The following UTS2R variants were observed in gnomAD, a reference collection of about 807,000 sequenced individuals.
The protein encoded by UTS2R is urotensin 2 receptor, also known as urotensin-2 receptor.
For synonymous variants in UTS2R, 335 were observed against 280.9 expected (o/e 1.19, Z -1.93); for missense variants, 653 against 562.2 (o/e 1.16, Z -1.63).
chr17:82,375,989 G>T lies in UTS2R; in HGVS notation c.*495G>T, dbSNP rs927666398. 1.3e-5 allele frequency among the ~76,000 whole-genome samples: 2 copies of T among 152,222 alleles called. No individual in the cohort carries two copies. Among genetic ancestry groups the T allele is most frequent in the African/African-American group, 4.8e-5 (2 of 41,460 alleles). ...CCCAGGACGACAACGGCAGCTCAAG[G>T]GGGAGCCTGTGGGTCTGGCTGGGGT... On this transcript the variant is annotated 3_prime_UTR_variant, in exon 3 of 3. Transcript: ENST00000313135.
chr17:82,374,596 T>A lies in UTS2R; in HGVS notation c.272T>A (p.Val91Asp). The A allele has an allele frequency of 6.2e-7, 1 of 1,608,112 alleles. No homozygotes were observed. The highest frequency in any genetic ancestry group is 8.5e-7 in the Non-Finnish European group (1 of 1,177,666). The change falls in exon 3 of 3, where the codon GTC becomes GAC. Residue 91 changes from valine to aspartate, a missense_variant. Val to Asp is a radical substitution (Grantham distance 152, BLOSUM62 -3). Transcript: ENST00000313135. ...RAVASMYVYV[V>D]NLALADLLYL... ...GTGGCCTCCATGTACGTCTACGTGG[T>A]CAACCTGGCGCTGGCCGACCTGCTG...
At chr17:82,372,997 T>C (rs2052461179) in intron 2 of UTS2R, among the ~76,000 whole-genome samples, 1 of 152,238 alleles carries the variant, frequency 6.6e-6, no homozygotes, top group Non-Finnish European at 1.5e-5. Flanking sequence ...CCTGTGGCCC[T>C]GACTGGCATT....
In UTS2R at chr17:82,374,909, C is replaced by A; in HGVS notation, c.585C>A (p.Pro195=). ...MLAMRLVRRG[P]KSLCLPAWGP... ...CCATGCGGCTGGTGCGCCGGGGTCC[C>A]AAGAGCCTGTGCCTGCCCGCCTGGG... is the stretch of plus-strand genomic sequence containing the variant. The change falls in exon 3 of 3, where the codon CCC becomes CCA. Residue 195 remains proline (P), a synonymous_variant. Coordinates refer to ENST00000313135, the MANE Select transcript of UTS2R (RefSeq NM_018949.3). The A allele has an allele frequency of 1.7e-6, 2 of 1,188,346 alleles. No individual in the cohort carries two copies. Among genetic ancestry groups the A allele is most frequent in the Non-Finnish European group, 2.4e-6 (2 of 827,160 alleles). 73.6% of individuals were successfully genotyped at this position (1,188,346 alleles called of 1,614,324 possible). A position where few individuals can be genotyped will look rare whatever the true frequency, so the allele number is the denominator to read the frequency against.
At position 82,375,506 on chromosome 17, in the gene UTS2R, G is replaced by A. The variant is rs1490279907; in HGVS notation, c.*12G>A. 6 of 1,165,472 alleles carry A rather than the reference G, an allele frequency of 5.1e-6. No individual in the cohort carries two copies. Among genetic ancestry groups the A allele is most frequent in the Non-Finnish European group, 6.9e-6 (6 of 864,446 alleles). The allele number at this position is 1,165,472 out of a possible 1,614,324, so 72.2% of individuals were successfully genotyped here. On this transcript the variant is annotated 3_prime_UTR_variant, in exon 3 of 3. Transcript: ENST00000313135. Reference sequence around the variant, plus strand: ...GGGCCCCGGCGTGAGCACGCGGAGGGGCGGCTGGAGTCCAGGCGGGGACGC... The same window carrying A: ...GGGCCCCGGCGTGAGCACGCGGAGGAGCGGCTGGAGTCCAGGCGGGGACGC...
chr17:82,375,005 CG>C lies in UTS2R; in HGVS notation c.684del (p.Leu229CysfsTer71). The C allele has an allele frequency of 7.6e-7, 1 of 1,318,638 alleles. No individual in the cohort carries two copies. Among genetic ancestry groups the C allele is most frequent in the South Asian group, 1.3e-5 (1 of 78,466 alleles). The allele number at this position is 1,318,638 out of a possible 1,614,324, so 81.7% of individuals were successfully genotyped here. On this transcript the variant is annotated frameshift_variant, in exon 3 of 3. Coordinates refer to ENST00000313135, the MANE Select transcript of UTS2R (RefSeq NM_018949.3). LOFTEE classifies it low-confidence loss of function (END_TRUNC). ...GCATCGCGGGGCCCGGGCTGCTCAT[CG>C]GGCTGCTCTACGCGCGCCTGGCCCG... ...TSIAGPGLLI[G>X]LLYARLARAY...
At chr17:82,373,105 A>G (rs143460822) in intron 2 of UTS2R, among the ~76,000 whole-genome samples, 374 of 150,680 alleles carry the variant, frequency 2.5e-3, no homozygotes, top group Middle Eastern at 0.014. Context: ...TTTCCTTACT[A>G]ATTTGCAGTT....
chr17:82,372,215 C>T (rs1359728911), intron 1 of UTS2R, among the ~76,000 whole-genome samples, 168 bp downstream of exon 1: 1 of 152,078 alleles, frequency 6.6e-6, no homozygotes, highest in Non-Finnish European at 1.5e-5. Context: ...TCGGCCCCTC[C>T]CCTTCCCCCC....
chr17:82,375,494 A>G lies in UTS2R; in HGVS notation c.1170A>G (p.Ter390TrpextTer140). Residue 390 changes from the stop codon to tryptophan (W), a stop_lost, in exon 3 of 3, where the codon TGA becomes TGG. Transcript: ENST00000313135. ...CCGAGGGTCCCAGGGCCCCGGCGTG[A>G]GCACGCGGAGGGGCGGCTGGAGTCC... ...PAPEGPRAPA[*>W] 7.8e-7 allele frequency: 1 copy of G among 1,289,158 alleles called. No individual in the cohort carries two copies. Among genetic ancestry groups the G allele is most frequent in the Non-Finnish European group, 1.0e-6 (1 of 967,320 alleles). 79.9% of individuals were successfully genotyped at this position (1,289,158 alleles called of 1,614,324 possible). A position where few individuals can be genotyped will look rare whatever the true frequency, so the allele number is the denominator to read the frequency against.
In UTS2R at chr17:82,374,311, G is replaced by A. The variant is rs201636432; in HGVS notation, c.-14G>A. 92 of 1,542,034 alleles carry A rather than the reference G, an allele frequency of 6.0e-5. No homozygotes were observed. The highest frequency in any genetic ancestry group is 1.6e-5 in the Non-Finnish European group (19 of 1,151,546). On this transcript the variant is annotated 5_prime_UTR_variant, in exon 3 of 3. It adds an upstream start codon to the 5' untranslated region. Transcript: ENST00000313135. ...GTGTCCACCCAGCCCTGAGCCCGTC[G>A]TGAGGGGTCAGAGATGGCGCTGACC...
intron 2 of UTS2R, 107 bp from the exon 3 acceptor site, chr17:82,374,136 G>A (rs1009778300): frequency 1.7e-6 from 1 of 582,298 alleles, no homozygotes; most frequent in Non-Finnish European, 3.0e-6. Flanking sequence ...AGAGAGTCCC[G>A]AGAGTTGGAG....
At chr17:82,372,297 A>G (rs1347221386) in intron 1 of UTS2R, among the ~76,000 whole-genome samples, 4 of 152,020 alleles carry the variant, frequency 2.6e-5, no homozygotes, top group Non-Finnish European at 4.4e-5. Context: ...CTCGCGCACA[A>G]CTGGGGAGCC....
chr17:82,373,843 T>C (rs2052466164), intron 2 of UTS2R, among the ~76,000 whole-genome samples: 2 of 152,202 alleles, frequency 1.3e-5, no homozygotes. Flanking sequence ...GAGAAAGGAC[T>C]CAGGAGTAAG....
At position 82,374,892 on chromosome 17, in the gene UTS2R, C is replaced by A; in HGVS notation, c.568C>A (p.Leu190Met). Residue 190 changes from leucine to methionine, a missense_variant, in exon 3 of 3, where the codon CTG becomes ATG. Transcript: ENST00000313135. ...LTLPVMLAMR[L>M]VRRGPKSLCL... ...GCTGCCCGTGATGCTGGCCATGCGG[C>A]TGGTGCGCCGGGGTCCCAAGAGCCT... The A allele has an allele frequency of 1.6e-6, 2 of 1,250,360 alleles. No individual in the cohort carries two copies. The highest frequency in any genetic ancestry group is 2.3e-6 in the Non-Finnish European group (2 of 884,310). 77.5% of individuals were successfully genotyped at this position (1,250,360 alleles called of 1,614,324 possible). A position where few individuals can be genotyped will look rare whatever the true frequency, so the allele number is the denominator to read the frequency against.
rs931849108 is a variant in UTS2R at position 82,374,228 on chromosome 17, C to T, written c.-82-15C>T. The stretch of plus-strand genomic sequence containing the variant: ...GGAGCGGAAGGTGTTGCCTGATTTG[C>T]TTCTTTCCCCACAGGCTGAGCTGGT... On this transcript the variant is annotated splice_polypyrimidine_tract_variant and intron_variant, in intron 2 of 2. Coordinates refer to ENST00000313135, the MANE Select transcript of UTS2R (RefSeq NM_018949.3). The T allele has an allele frequency of 9.9e-7, 1 of 1,008,266 alleles. No homozygotes were observed. The highest frequency in any genetic ancestry group is 1.4e-6 in the Non-Finnish European group (1 of 708,578). The allele number at this position is 1,008,266 out of a possible 1,614,324, so 62.5% of individuals were successfully genotyped here.
rs2052454173 is a variant in UTS2R at position 82,371,909 on chromosome 17, C to G, written c.-407C>G. The stretch of plus-strand genomic sequence containing the variant: ...CACCGCGGAGCCCCTCGCGCCCCCT[C>G]TGCGCTGGGACAGGGGAGCGCGCCT... On this transcript the variant is annotated 5_prime_UTR_variant, in exon 1 of 3. Transcript: ENST00000313135. The surrounding 1 kb of genome is among the most constrained non-coding windows in gnomAD (Gnocchi z 6.3). 6.6e-6 allele frequency among the ~76,000 whole-genome samples: 1 copy of G among 152,064 alleles called. No homozygotes were observed. The highest frequency in any genetic ancestry group is 1.9e-4 in the East Asian group (1 of 5,158).
At position 82,375,406 on chromosome 17, in the gene UTS2R, C is replaced by T. The variant is rs779937181; in HGVS notation, c.1082C>T (p.Ser361Phe). The change falls in exon 3 of 3, where the codon TCC becomes TTC. Residue 361 changes from serine (S) to phenylalanine (F), a missense_variant. Physicochemically the swap from Ser to Phe is radical, Grantham distance 155. Transcript: ENST00000313135. Reference protein sequence around the residue: ...FQRCSGRSLSSCSPQPTDSLV... With the variant: ...FQRCSGRSLSFCSPQPTDSLV... ...CGCTGTTCGGGCCGCTCCCTGTCTT[C>T]CTGCAGCCCACAGCCCACTGACAGC... 5.4e-5 allele frequency: 85 copies of T among 1,577,422 alleles called. No individual in the cohort carries two copies. The highest frequency in any genetic ancestry group is 6.7e-5 in the Non-Finnish European group (79 of 1,170,414).
rs528044096 is a variant in UTS2R at position 82,373,198 on chromosome 17, C to T, written c.-83+415C>T. Among the ~76,000 whole-genome samples, 3 of 152,062 alleles carry T rather than the reference C, an allele frequency of 2.0e-5. No homozygotes were observed. In the Middle Eastern group the frequency reaches 0.01, roughly 517 times the overall value. On this transcript the variant is annotated intron_variant, in intron 2 of 2. Coordinates refer to ENST00000313135, the MANE Select transcript of UTS2R (RefSeq NM_018949.3). ...TGAGACAAAGTCTCACTTTGTTGCC[C>T]AGGCTGGAGTGCGGTGGCACAATCT...
At position 82,376,656 on chromosome 17, in the gene UTS2R, G is replaced by C. The variant is rs924833535; in HGVS notation, c.*1162G>C. Reference sequence around the variant, plus strand: ...AGCTCCCCCCTGGAGTTACGAAAGTGCTCTGGAACTAGACGCTGGTGACTG... The same window carrying C: ...AGCTCCCCCCTGGAGTTACGAAAGTCCTCTGGAACTAGACGCTGGTGACTG... On this transcript the variant is annotated 3_prime_UTR_variant, in exon 3 of 3. Transcript: ENST00000313135. Among the ~76,000 whole-genome samples the C allele has an allele frequency of 1.3e-5, 2 of 152,278 alleles. No homozygotes were observed. The highest frequency in any genetic ancestry group is 2.9e-5 in the Non-Finnish European group (2 of 68,044).
chr17:82,373,359 G>A (rs1287899269), intron 2 of UTS2R, among the ~76,000 whole-genome samples: 1 of 151,868 alleles, frequency 6.6e-6, no homozygotes, highest in Non-Finnish European at 1.5e-5. Context: ...ACGGGGTTTC[G>A]AGATGTTGGC....
Sources: gnomAD v4.1 joint callset for allele counts (sites outside exome capture counted in the v4.1 genomes callset) on GRCh38, gnomAD v4.1.1 for gene constraint, Gnocchi (gnomAD v3.1) non-coding constraint, MANE v1.5 for transcripts, NCBI Gene and HGNC (gene_info 2026-07-23, HGNC 2026-07-21) for gene names.